PCDHGA9: variants seen among roughly 807,000 people sequenced by gnomAD.
The protein encoded by PCDHGA9 is protocadherin gamma subfamily A, 9.
In PCDHGA9, 37 loss-of-function variants were observed where a neutral mutation model predicts 62.5. The observed-to-expected ratio is 0.59, with a 90% CI of 0.46 to 0.78. PCDHGA9 has a LOEUF of 0.78. Ranked by LOEUF, PCDHGA9 falls within the 30% of genes least tolerant of loss-of-function variation. The pLI is 0.00. For missense variants in PCDHGA9, 1,138 were observed against 1,166.2 expected (o/e 0.98, Z 0.35); for synonymous variants, 459 against 484.6 (o/e 0.95, Z 0.69).
intron 1 of PCDHGA9, chr5:141,410,849 CTTTTTTTT>C (rs759346998): frequency 2.0e-4 from 27 of 138,178 alleles, no homozygotes; most frequent in Middle Eastern, 4.3e-3. Context: ...TTGTCTTTGT[CTTTTTTTT>C]TTTTTTTTTT....
intron 1 of PCDHGA9, among the ~76,000 whole-genome samples, chr5:141,471,791 A>C (rs904614629): frequency 1.3e-5 from 2 of 152,238 alleles, no homozygotes; most frequent in Admixed American, 1.3e-4. Context: ...ATGCTATGTC[A>C]TATAAAAGAC....
At chr5:141,409,798 G>T (rs2095317053) in intron 1 of PCDHGA9, 1 of 1,611,672 alleles carries the variant, frequency 6.2e-7, no homozygotes, top group South Asian at 1.1e-5. Context: ...CGCTCACGCT[G>T]CAGGCCCGCG....
At chr5:141,409,674 TAGTGGCG>T in intron 1 of PCDHGA9, 1 of 1,613,414 alleles carries the variant, frequency 6.2e-7, no homozygotes, top group Non-Finnish European at 8.5e-7. Flanking sequence ...TCCTACTCTA[TAGTGGCG>T]AGTGACCTAG....
At chr5:141,421,065 A>C in intron 1 of PCDHGA9, 1 of 591,556 alleles carries the variant, frequency 1.7e-6, no homozygotes. Flanking sequence ...CACAAAGCGG[A>C]ATGAGATGGA....
At chr5:141,422,005 A>T in intron 1 of PCDHGA9, 1 of 1,609,814 alleles carries the variant, frequency 6.2e-7, no homozygotes, top group East Asian at 2.2e-5. Flanking sequence ...CAGCTCCGGA[A>T]CTCGGGTGCT....
chr5:141,477,582 A>T lies in PCDHGA9; in HGVS notation c.2425-17225A>T, dbSNP rs567486170. The T allele has an allele frequency of 6.2e-7, 1 of 1,614,190 alleles. No individual in the cohort carries two copies. The highest frequency in any genetic ancestry group is 2.2e-5 in the East Asian group (1 of 44,888). ...GTCTGGGACCCCGACGCCCCGCAGA[A>T]TGCTCGGCTTTCTTTCTTTCTCTTG... On this transcript the variant is annotated intron_variant, in intron 1 of 3. Transcript: ENST00000573521. The surrounding 1 kb of genome is among the most constrained non-coding windows in gnomAD (Gnocchi z 4.9).
At chr5:141,419,542 G>C (rs771168003) in intron 1 of PCDHGA9, 3 of 1,612,016 alleles carry the variant, frequency 1.9e-6, no homozygotes, top group South Asian at 2.2e-5. Flanking sequence ...ACGCACCGCG[G>C]GTGCTGTACC....
chr5:141,414,457 G>A (rs1319960665), intron 1 of PCDHGA9: 7 of 1,613,872 alleles, frequency 4.3e-6, no homozygotes, highest in Non-Finnish European at 5.9e-6. Flanking sequence ...CACAGTGACA[G>A]CCACAGATGG....
intron 1 of PCDHGA9, chr5:141,420,146 C>G (rs372634787): frequency 1.9e-6 from 3 of 1,613,962 alleles, no homozygotes; most frequent in Non-Finnish European, 2.5e-6. Flanking sequence ...TCAAATGAAT[C>G]CAGAATTTAA....
rs144317211 is a variant in PCDHGA9 at position 141,432,088 on chromosome 5, A to G, written c.2424+26712A>G. On this transcript the variant is annotated intron_variant, in intron 1 of 3. Transcript: ENST00000573521. This position sits in a 1 kb window ranked among gnomAD's most constrained non-coding sequence, Gnocchi z 6.0. Reference sequence around the variant, plus strand: ...AAACTCATATCTCGCTGAACGTGGCAGACACCAACGACAACCCGCCGGTCT... The same window carrying G: ...AAACTCATATCTCGCTGAACGTGGCGGACACCAACGACAACCCGCCGGTCT... The G allele has an allele frequency of 6.2e-7, 1 of 1,614,148 alleles. No individual in the cohort carries two copies. Among genetic ancestry groups the G allele is most frequent in the South Asian group, 1.1e-5 (1 of 91,074 alleles).
Position 141,476,977 on chromosome 5 carries a change from C to A in PCDHGA9, c.2425-17830C>A, listed in dbSNP as rs141692339. On this transcript the variant is annotated intron_variant, in intron 1 of 3. Coordinates refer to ENST00000573521, the MANE Select transcript of PCDHGA9 (RefSeq NM_018921.3). The surrounding 1 kb of genome is among the most constrained non-coding windows in gnomAD (Gnocchi z 7.6). The stretch of plus-strand genomic sequence containing the variant: ...TTATTTACTCCTTCGGCAGCCACAA[C>A]CGCGCCGGCGTGCGGCAACTATTCG... 6.2e-7 allele frequency: 1 copy of A among 1,614,232 alleles called. No individual in the cohort carries two copies. The highest frequency in any genetic ancestry group is 8.5e-7 in the Non-Finnish European group (1 of 1,180,040).
At chr5:141,406,185 A>G (rs1204342088) in intron 1 of PCDHGA9, among the ~76,000 whole-genome samples, 1 of 150,712 alleles carries the variant, frequency 6.6e-6, no homozygotes, top group Non-Finnish European at 1.5e-5. Flanking sequence ...CAATCCTCCC[A>G]CCTCAGCCTT....
In PCDHGA9 at chr5:141,404,878, T is replaced by C. The variant is rs748965325; in HGVS notation, c.1926T>C (p.Leu642=). Residue 642 remains leucine (L), a synonymous_variant, in exon 1 of 4, where the codon CTT becomes CTC. Transcript: ENST00000573521. ...ATAGAGATGCGCTCAAACAGAGCCTTGTGGTGGCTGTACAGGACCATGGCC... is the reference window on the plus strand; with the variant it reads ...ATAGAGATGCGCTCAAACAGAGCCTCGTGGTGGCTGTACAGGACCATGGCC... ...LLDRDALKQS[L]VVAVQDHGQP... is the part of the protein sequence containing the mutation. 5.5e-5 allele frequency: 88 copies of C among 1,613,722 alleles called. No homozygotes were observed. Among genetic ancestry groups the C allele is most frequent in the Non-Finnish European group, 7.3e-5 (86 of 1,179,894 alleles).
intron 1 of PCDHGA9, among the ~76,000 whole-genome samples, chr5:141,462,825 C>T (rs1040054698): frequency 4.6e-5 from 7 of 152,124 alleles, no homozygotes; most frequent in Admixed American, 3.9e-4. Context: ...GGACAGCAGA[C>T]ATTGTAAATG....
intron 1 of PCDHGA9, chr5:141,423,607 A>T (rs777606404): frequency 6.2e-7 from 1 of 1,612,176 alleles, no homozygotes; most frequent in Admixed American, 1.7e-5. Flanking sequence ...GCCACTCTTG[A>T]TAGCTGAAGA....
Position 141,491,498 on chromosome 5 carries a change from C to G in PCDHGA9, c.2425-3309C>G. Reference sequence around the variant, plus strand: ...TCCAGCCCCAACCTGCAGGTGAGCTCGGACGGCACGCTCAAGTACATGGAG... The same window carrying G: ...TCCAGCCCCAACCTGCAGGTGAGCTGGGACGGCACGCTCAAGTACATGGAG... On this transcript the variant is annotated intron_variant, in intron 1 of 3. Transcript: ENST00000573521. The surrounding 1 kb of genome is among the most constrained non-coding windows in gnomAD (Gnocchi z 6.9). The G allele has an allele frequency of 6.2e-7, 1 of 1,614,102 alleles. No homozygotes were observed. Among genetic ancestry groups the G allele is most frequent in the Non-Finnish European group, 8.5e-7 (1 of 1,180,018 alleles).
chr5:141,422,259 C>T (rs751340056), intron 1 of PCDHGA9: 2 of 1,565,034 alleles, frequency 1.3e-6, no homozygotes, highest in Non-Finnish European at 1.7e-6. Flanking sequence ...TGAATGATAA[C>T]GCTCCAGAAA....
intron 1 of PCDHGA9, 82 bp from the exon 2 acceptor site, chr5:141,494,725 C>T: frequency 6.2e-7 from 1 of 1,610,026 alleles, no homozygotes; most frequent in Middle Eastern, 1.7e-4. Context: ...CCCTCCTTCT[C>T]TCCCGGCCCA....
chr5:141,455,856 TTTTATTA>T (rs1315325745), intron 1 of PCDHGA9, among the ~76,000 whole-genome samples: 1 of 146,240 alleles, frequency 6.8e-6, no homozygotes, highest in East Asian at 2.0e-4. Flanking sequence ...AAATAATTTC[TTTTATTA>T]TTTATTTATT....
Sources: gnomAD v4.1 joint callset for allele counts (sites outside exome capture counted in the v4.1 genomes callset) on GRCh38, gnomAD v4.1.1 for gene constraint, Gnocchi (gnomAD v3.1) non-coding constraint, MANE v1.5 for transcripts, NCBI Gene and HGNC (gene_info 2026-07-23, HGNC 2026-07-21) for gene names.